The following PIGBOS1 variants were observed in gnomAD, a reference collection of about 807,000 sequenced individuals.
PIGBOS1 encodes protein PIGBOS1.
At position 55,319,121 on chromosome 15, in the gene PIGBOS1, T is replaced by C. The variant is rs2055100698; in HGVS notation, c.-333A>G. 1.7e-6 allele frequency: 2 copies of C among 1,152,984 alleles called. No homozygotes were observed. The highest frequency in any genetic ancestry group is 2.4e-6 in the Non-Finnish European group (2 of 837,338). 71.4% of individuals were successfully genotyped at this position (1,152,984 alleles called of 1,614,324 possible). A position where few individuals can be genotyped will look rare whatever the true frequency, so the allele number is the denominator to read the frequency against. On this transcript the variant is annotated 5_prime_UTR_variant, in exon 1 of 2. Transcript: ENST00000436697. ...GGAGGCCACCACGTCGGGTGGGAGC[T>C]ACGAAGTTGCCCGTTCCCGGTTACT...
Position 55,317,202 on chromosome 15 carries a change from A to C in PIGBOS1, c.*426T>G, listed in dbSNP as rs901372282. 1 of 152,320 alleles carries C rather than the reference A, an allele frequency of 6.6e-6. No homozygotes were observed. Among genetic ancestry groups the C allele is most frequent in the African/African-American group, 2.4e-5 (1 of 41,472 alleles). The allele number at this position is 152,320 out of a possible 1,614,324, so 9.4% of individuals were successfully genotyped here. A position where few individuals can be genotyped will look rare whatever the true frequency, so the allele number is the denominator to read the frequency against. ...AACAGTGTTAGGTTAAAAAATCATT[A>C]TCCATGATTTATTTTTAAGTACATC... On this transcript the variant is annotated 3_prime_UTR_variant, in exon 2 of 2. Coordinates refer to ENST00000436697, the MANE Select transcript of PIGBOS1 (RefSeq NM_001308421.2).
chr15:55,317,985 CAA>C (rs2055066811), intron 1 of PIGBOS1, 118 bp from the exon 2 acceptor site: 3 of 345,724 alleles, frequency 8.7e-6, no homozygotes, highest in Non-Finnish European at 5.2e-6. Flanking sequence ...CTAATTAAAA[CAA>C]GAATATAAAT....
rs1451377896 is a variant in PIGBOS1 at position 55,317,416 on chromosome 15, G to C, written c.*212C>G. On this transcript the variant is annotated 3_prime_UTR_variant, in exon 2 of 2. Transcript: ENST00000436697. ...TGCCACCTCTGCCTCCCAGGTTCAAGTGATGCTCCTGCCTCAGCCTCCCAA... is the reference window on the plus strand; with the variant it reads ...TGCCACCTCTGCCTCCCAGGTTCAACTGATGCTCCTGCCTCAGCCTCCCAA... 1 of 235,508 alleles carries C rather than the reference G, an allele frequency of 4.2e-6. No individual in the cohort carries two copies. The highest frequency in any genetic ancestry group is 7.7e-5 in the East Asian group (1 of 13,062). 14.6% of individuals were successfully genotyped at this position (235,508 alleles called of 1,614,324 possible).
Position 55,319,110 on chromosome 15 carries a change from C to A in PIGBOS1, c.-322G>T. On this transcript the variant is annotated 5_prime_UTR_variant, in exon 1 of 2. Transcript: ENST00000436697. ...GGAAACCGCAAGGAGGCCACCACGT[C>A]GGGTGGGAGCTACGAAGTTGCCCGT... 1.0e-6 allele frequency: 1 copy of A among 990,046 alleles called. No individual in the cohort carries two copies. The highest frequency in any genetic ancestry group is 1.9e-5 in the South Asian group (1 of 53,860). 61.3% of individuals were successfully genotyped at this position (990,046 alleles called of 1,614,324 possible). A position where few individuals can be genotyped will look rare whatever the true frequency, so the allele number is the denominator to read the frequency against.
chr15:55,318,429 A>G lies in PIGBOS1; in HGVS notation c.-76+435T>C, dbSNP rs561543603. Among the ~76,000 whole-genome samples, 3 of 139,180 alleles carry G rather than the reference A, an allele frequency of 2.2e-5. No homozygotes were observed. The South Asian group carries it at 8.0e-4, about 37-fold the overall frequency. 91.3% of individuals were successfully genotyped at this position (139,180 alleles called of 152,430 possible). A position where few individuals can be genotyped will look rare whatever the true frequency, so the allele number is the denominator to read the frequency against. Reference sequence around the variant, plus strand: ...ACTTTTAACAAGAGGAGTGGGCCGCACGCGGTGGCTCACGCCTGTAATCCC... The same window carrying G: ...ACTTTTAACAAGAGGAGTGGGCCGCGCGCGGTGGCTCACGCCTGTAATCCC... On this transcript the variant is annotated intron_variant, in intron 1 of 1. Transcript: ENST00000436697.
In PIGBOS1 at chr15:55,317,425, C is replaced by T. The variant is rs2055055663; in HGVS notation, c.*203G>A. 1 of 240,970 alleles carries T rather than the reference C, an allele frequency of 4.1e-6. No homozygotes were observed. Among genetic ancestry groups the T allele is most frequent in the East Asian group, 7.3e-5 (1 of 13,680 alleles). 14.9% of individuals were successfully genotyped at this position (240,970 alleles called of 1,614,324 possible). A position where few individuals can be genotyped will look rare whatever the true frequency, so the allele number is the denominator to read the frequency against. ...TGCCTCCCAGGTTCAAGTGATGCTCCTGCCTCAGCCTCCCAAGTAGCTGGG... is the reference window on the plus strand; with the variant it reads ...TGCCTCCCAGGTTCAAGTGATGCTCTTGCCTCAGCCTCCCAAGTAGCTGGG... On this transcript the variant is annotated 3_prime_UTR_variant, in exon 2 of 2. Coordinates refer to ENST00000436697, the MANE Select transcript of PIGBOS1 (RefSeq NM_001308421.2).
intron 1 of PIGBOS1, among the ~76,000 whole-genome samples, chr15:55,318,098 C>CTTT (rs200901102): frequency 1.5e-5 from 2 of 131,420 alleles, no homozygotes; most frequent in Non-Finnish European, 1.6e-5. Context: ...CATACTTTTT[C>CTTT]TTTTTTTTTT....
intron 1 of PIGBOS1, among the ~76,000 whole-genome samples, chr15:55,318,199 G>A (rs2055073846): frequency 1.3e-5 from 2 of 149,684 alleles, no homozygotes; most frequent in South Asian, 4.2e-4. Context: ...CTCGGTTAAC[G>A]CCATTCTCCT....
intron 1 of PIGBOS1, among the ~76,000 whole-genome samples, chr15:55,318,098 C>CTTTTTT (rs200901102): frequency 7.6e-6 from 1 of 131,422 alleles, no homozygotes. Context: ...CATACTTTTT[C>CTTTTTT]TTTTTTTTTT....
chr15:55,317,698 T>C lies in PIGBOS1; in HGVS notation c.95A>G (p.Tyr32Cys), dbSNP rs750457006. The C allele has an allele frequency of 7.5e-6, 3 of 398,536 alleles. No individual in the cohort carries two copies. Among genetic ancestry groups the C allele is most frequent in the Non-Finnish European group, 1.3e-5 (3 of 226,066 alleles). 24.7% of individuals were successfully genotyped at this position (398,536 alleles called of 1,614,324 possible). The change falls in exon 2 of 2, where the codon TAT becomes TGT. Residue 32 changes from tyrosine to cysteine, a missense_variant. Physicochemically the swap from Tyr to Cys is radical, Grantham distance 194. Coordinates refer to ENST00000436697, the MANE Select transcript of PIGBOS1 (RefSeq NM_001308421.2). ...TTTTAATTCCTTCTGATCTTTGGCATACTGTTCAAATACTGGTTGAAAAAT... is the reference window on the plus strand; with the variant it reads ...TTTTAATTCCTTCTGATCTTTGGCACACTGTTCAAATACTGGTTGAAAAAT... ...VYIFQPVFEQ[Y>C]AKDQKELKEK... is the part of the protein sequence containing the mutation.
intron 1 of PIGBOS1, among the ~76,000 whole-genome samples, chr15:55,318,167 G>A (rs1595760586): frequency 6.8e-6 from 1 of 147,672 alleles, no homozygotes; most frequent in Admixed American, 6.8e-5. Flanking sequence ...GCGCAATCTC[G>A]GCTCACTGCA....
intron 1 of PIGBOS1, among the ~76,000 whole-genome samples, chr15:55,318,104 T>C (rs2055070683): frequency 6.7e-6 from 1 of 149,808 alleles, no homozygotes. Context: ...TTTTCTTTTT[T>C]TTTTTTTTTT....
chr15:55,318,669 C>T (rs529391798), intron 1 of PIGBOS1, among the ~76,000 whole-genome samples, 195 bp downstream of exon 1: 2 of 150,288 alleles, frequency 1.3e-5, no homozygotes. Flanking sequence ...CCACTGCACT[C>T]CAGCCTGGAC....
Position 55,317,496 on chromosome 15 carries a change from G to C in PIGBOS1, c.*132C>G, listed in dbSNP as rs1186214920. On this transcript the variant is annotated 3_prime_UTR_variant, in exon 2 of 2. Coordinates refer to ENST00000436697, the MANE Select transcript of PIGBOS1 (RefSeq NM_001308421.2). ...AGCCTGGCTGATTTTTGTATTTTCA[G>C]TAGAGACAGGGTTTCACCATGTTGG... The C allele has an allele frequency of 3.1e-6, 1 of 319,466 alleles. No homozygotes were observed. Among genetic ancestry groups the C allele is most frequent in the Non-Finnish European group, 5.7e-6 (1 of 175,602 alleles). 19.8% of individuals were successfully genotyped at this position (319,466 alleles called of 1,614,324 possible).
rs2055099562 is a variant in PIGBOS1, at chr15:55,319,096, G to A, written c.-308C>T. 2 of 873,340 alleles carry A rather than the reference G, an allele frequency of 2.3e-6. No homozygotes were observed. Among genetic ancestry groups the A allele is most frequent in the Non-Finnish European group, 3.4e-6 (2 of 592,924 alleles). 54.1% of individuals were successfully genotyped at this position (873,340 alleles called of 1,614,324 possible). A position where few individuals can be genotyped will look rare whatever the true frequency, so the allele number is the denominator to read the frequency against. ...CGGAAACGGCGAAAGGAAACCGCAA[G>A]GAGGCCACCACGTCGGGTGGGAGCT... On this transcript the variant is annotated 5_prime_UTR_variant, in exon 1 of 2. Coordinates refer to ENST00000436697, the MANE Select transcript of PIGBOS1 (RefSeq NM_001308421.2).
intron 1 of PIGBOS1, among the ~76,000 whole-genome samples, 153 bp from the exon 2 acceptor site, chr15:55,318,020 A>G (rs1263242238): frequency 6.6e-6 from 1 of 152,224 alleles, no homozygotes; most frequent in African/African-American, 2.4e-5. Context: ...CAGGAAGTGA[A>G]TTAGGGAAGG....
chr15:55,318,876 C>T lies in PIGBOS1; in HGVS notation c.-88G>A, dbSNP rs192736868. Reference sequence around the variant, plus strand: ...GAGAGCAACGAACCTGAAATGTTAACACCAACACTGACGTCTACAATTACC... The same window carrying T: ...GAGAGCAACGAACCTGAAATGTTAATACCAACACTGACGTCTACAATTACC... On this transcript the variant is annotated 5_prime_UTR_variant, in exon 1 of 2. Coordinates refer to ENST00000436697, the MANE Select transcript of PIGBOS1 (RefSeq NM_001308421.2). The T allele has an allele frequency of 2.1e-5, 4 of 188,074 alleles. No individual in the cohort carries two copies. The highest frequency in any genetic ancestry group is 3.3e-5 in the Non-Finnish European group (3 of 90,316). 11.7% of individuals were successfully genotyped at this position (188,074 alleles called of 1,614,324 possible).
chr15:55,317,954 C>A (rs1311857824), intron 1 of PIGBOS1, 87 bp from the exon 2 acceptor site: 2 of 373,036 alleles, frequency 5.4e-6, no homozygotes, highest in Non-Finnish European at 9.5e-6. Flanking sequence ...CTGGAGTGAA[C>A]AATATTTTTA....
rs2055097287 is a variant in PIGBOS1 at position 55,319,000 on chromosome 15, G to C, written c.-212C>G. On this transcript the variant is annotated 5_prime_UTR_variant, in exon 1 of 2. Transcript: ENST00000436697. Reference sequence around the variant, plus strand: ...GCCTGCTCCCCTCCAGAGACCGGGGGCCTTCCAGCAGTTTTCGGACCCCCG... The same window carrying C: ...GCCTGCTCCCCTCCAGAGACCGGGGCCCTTCCAGCAGTTTTCGGACCCCCG... The C allele has an allele frequency of 1.1e-5, 5 of 466,610 alleles. No individual in the cohort carries two copies. Among genetic ancestry groups the C allele is most frequent in the Non-Finnish European group, 1.2e-5 (3 of 260,644 alleles). 28.9% of individuals were successfully genotyped at this position (466,610 alleles called of 1,614,324 possible).
Sources: gnomAD v4.1 joint callset for allele counts (sites outside exome capture counted in the v4.1 genomes callset) on GRCh38, gnomAD v4.1.1 for gene constraint, MANE v1.5 for transcripts, NCBI Gene and HGNC (gene_info 2026-07-23, HGNC 2026-07-21) for gene names.